The following PCCA variants were observed in gnomAD, a reference collection of about 807,000 sequenced individuals.
The protein encoded by PCCA is propionyl-CoA carboxylase subunit alpha.
PCCA carries 74 observed loss-of-function variants against 101.3 expected under a neutral mutation model. The observed-to-expected ratio is 0.73, with a 90% CI of 0.61 to 0.89. The LOEUF (loss-of-function observed/expected upper bound fraction) is 0.89. Ranked by LOEUF, PCCA falls within the 40% of genes least tolerant of loss-of-function variation. PCCA has a pLI of 0.00. For missense variants in PCCA, 891 were observed against 907.0 expected (o/e 0.98, Z 0.23); for synonymous variants, 294 against 313.6 (o/e 0.94, Z 0.66).
intron 19 of PCCA, among the ~76,000 whole-genome samples, chr13:100,383,614 C>G (rs375130929): frequency 6.8e-6 from 1 of 147,508 alleles, no homozygotes; most frequent in Non-Finnish European, 1.5e-5. Context: ...GACCCCGTGT[C>G]GAAAAAAAAA....
At position 100,171,252 on chromosome 13, in the gene PCCA, C is replaced by A. The variant is rs147962294; in HGVS notation, c.468+13912C>A. On this transcript the variant is annotated intron_variant, in intron 6 of 23. Transcript: ENST00000376285. Reference sequence around the variant, plus strand: ...TTTTGAAATACATTTTTAAAAATTTCTTAATTTTAACATGGTAAATATTGA... The same window carrying A: ...TTTTGAAATACATTTTTAAAAATTTATTAATTTTAACATGGTAAATATTGA... 2.6e-3 allele frequency among the ~76,000 whole-genome samples: 401 copies of A among 152,226 alleles called. 2 individuals carry two copies. Among genetic ancestry groups the A allele is most frequent in the African/African-American group, 9.2e-3 (382 of 41,532 alleles).
At chr13:100,235,966 C>T (rs913482995) in intron 8 of PCCA, 88 bp downstream of exon 8, 15 of 837,224 alleles carry the variant, frequency 1.8e-5, no homozygotes, top group Non-Finnish European at 3.2e-5. Flanking sequence ...TCCCATAGAG[C>T]AAATAATACT....
intron 18 of PCCA, among the ~76,000 whole-genome samples, chr13:100,362,833 T>C (rs909188772): frequency 3.3e-5 from 5 of 152,228 alleles, no homozygotes; most frequent in African/African-American, 1.2e-4. Flanking sequence ...CCACACAGTC[T>C]CATGTATTTG....
intron 8 of PCCA, among the ~76,000 whole-genome samples, chr13:100,244,577 G>C (rs2061331392): frequency 6.6e-6 from 1 of 152,070 alleles, no homozygotes; most frequent in African/African-American, 2.4e-5. Flanking sequence ...ATTCAGGCAG[G>C]AATGTGGAAA....
At chr13:100,340,300 A>G in intron 18 of PCCA, 41 bp downstream of exon 18, 1 of 993,932 alleles carries the variant, frequency 1.0e-6, no homozygotes, top group Non-Finnish European at 1.6e-6. Flanking sequence ...GAGCAGAACA[A>G]TATTGATAAT....
At chr13:100,277,424 C>A (rs557984107) in intron 12 of PCCA, among the ~76,000 whole-genome samples, 1 of 151,968 alleles carries the variant, frequency 6.6e-6, no homozygotes, top group East Asian at 1.9e-4. Flanking sequence ...TTTGGCTGAT[C>A]CCTTCCTATA....
At chr13:100,506,882 T>C (rs2086124260) in intron 21 of PCCA, among the ~76,000 whole-genome samples, 1 of 152,232 alleles carries the variant, frequency 6.6e-6, no homozygotes, top group South Asian at 2.1e-4. Context: ...TACTTTTCTG[T>C]AAGCTGATGC....
chr13:100,467,609 A>T (rs780706480), intron 21 of PCCA, among the ~76,000 whole-genome samples: 5 of 152,156 alleles, frequency 3.3e-5, no homozygotes, highest in Non-Finnish European at 5.9e-5. Flanking sequence ...TGACCTCATG[A>T]TCCACCCGCC....
intron 18 of PCCA, among the ~76,000 whole-genome samples, chr13:100,351,505 A>G (rs1267876335): frequency 6.6e-6 from 1 of 152,150 alleles, no homozygotes; most frequent in Non-Finnish European, 1.5e-5. Context: ...CTGTTTGTAT[A>G]TATGAAGATG....
At chr13:100,294,269 A>C (rs189326957) in intron 12 of PCCA, among the ~76,000 whole-genome samples, 1 of 152,256 alleles carries the variant, frequency 6.6e-6, no homozygotes, top group East Asian at 1.9e-4. Flanking sequence ...ACTTCTTTAA[A>C]GACCATGTCT....
intron 11 of PCCA, 142 bp downstream of exon 11, chr13:100,268,925 C>A: frequency 1.4e-6 from 1 of 714,778 alleles, no homozygotes; most frequent in Non-Finnish European, 2.5e-6. Flanking sequence ...TCACGGCTCA[C>A]TGCAGCCTCC....
At chr13:100,248,602 G>C (rs2061582145) in intron 8 of PCCA, among the ~76,000 whole-genome samples, 2 of 151,976 alleles carry the variant, frequency 1.3e-5, no homozygotes, top group African/African-American at 2.4e-5. Context: ...CTTTTTTATT[G>C]AGATGTCTCT....
chr13:100,437,994 A>G (rs914901260), intron 20 of PCCA, among the ~76,000 whole-genome samples: 10 of 152,074 alleles, frequency 6.6e-5, no homozygotes, highest in Admixed American at 6.6e-4. Context: ...CTTAGTAGTC[A>G]TATTAAAAAA....
intron 7 of PCCA, among the ~76,000 whole-genome samples, chr13:100,224,563 G>A (rs2060035970): frequency 6.6e-6 from 1 of 152,234 alleles, no homozygotes; most frequent in African/African-American, 2.4e-5. Flanking sequence ...AAGAGCGAGC[G>A]AGGGCTGTGA....
chr13:100,405,002 A>C (rs567396361), intron 19 of PCCA, among the ~76,000 whole-genome samples: 1 of 152,232 alleles, frequency 6.6e-6, no homozygotes, highest in African/African-American at 2.4e-5. Context: ...GGGAACACAA[A>C]TGTGTCTCGA....
chr13:100,252,006 G>GA (rs386380448), intron 8 of PCCA, among the ~76,000 whole-genome samples: 1 of 151,870 alleles, frequency 6.6e-6, no homozygotes, highest in Non-Finnish European at 1.5e-5. Flanking sequence ...GGCTGAGGGG[G>GA]TTCAAAAGGC....
rs146710833 is a variant in PCCA at position 100,089,992 on chromosome 13, CA to C, written c.105+768del. Among the ~76,000 whole-genome samples, 1,101 of 152,304 alleles carry C rather than the reference CA, an allele frequency of 7.2e-3. 17 individuals are homozygous for C. Among genetic ancestry groups the C allele is most frequent in the African/African-American group, 0.017 (716 of 41,560 alleles). The stretch of plus-strand genomic sequence containing the variant: ...CTGTCGTTAATTCTGGGGCACAGAC[CA>C]CCTAACCTACTTTATAAGGTTTGTT... On this transcript the variant is annotated intron_variant, in intron 1 of 23. Transcript: ENST00000376285.
intron 20 of PCCA, among the ~76,000 whole-genome samples, chr13:100,446,106 C>G (rs1382895159): frequency 6.6e-6 from 1 of 152,066 alleles, no homozygotes; most frequent in African/African-American, 2.4e-5. Context: ...TTGGCACAGT[C>G]GGCTCACTGC....
chr13:100,149,473 G>C (rs7983948), intron 4 of PCCA: 52,880 of 151,848 alleles, frequency 0.35, 10,249 homozygotes, highest in East Asian at 0.72. Flanking sequence ...TTCCAGGCTC[G>C]CCACAGTCTC....
Sources: allele counts gnomAD v4.1 joint callset (sites outside exome capture counted in the v4.1 genomes callset), GRCh38; gene constraint gnomAD v4.1.1; transcripts MANE v1.5; gene names NCBI Gene and HGNC (gene_info 2026-07-23, HGNC 2026-07-21).